The following SCHIP1 variants were observed in gnomAD, a reference collection of about 807,000 sequenced individuals.
SCHIP1 encodes schwannomin interacting protein 1.
In SCHIP1, 8 loss-of-function variants were observed where a neutral mutation model predicts 29.7. The ratio of observed to expected loss-of-function variants is 0.27; its 90% confidence interval spans 0.16 to 0.49. SCHIP1 has a LOEUF of 0.49. SCHIP1 is among the 20% of genes least tolerant of loss of function. SCHIP1 has a pLI of 0.99. For synonymous variants in SCHIP1, 76 were observed against 94.9 expected, an observed-to-expected ratio of 0.80 and a Z score of 1.16; for missense variants, 193 against 294.6, an observed-to-expected ratio of 0.66 and a Z score of 2.52.
the SCHIP1 span, among the ~76,000 whole-genome samples, chr3:159,582,263 C>G: frequency 6.6e-6 from 1 of 152,026 alleles, no homozygotes; most frequent in Admixed American, 6.6e-5. Flanking sequence ...CTCAGTCTTC[C>G]CGGCTCAAGA....
At chr3:159,527,029 G>T in the SCHIP1 span, among the ~76,000 whole-genome samples, 1 of 152,184 alleles carries the variant, frequency 6.6e-6, no homozygotes, top group Non-Finnish European at 1.5e-5. Flanking sequence ...CATACACACA[G>T]TCATATCTTC....
chr3:159,731,356 T>C, the SCHIP1 span, among the ~76,000 whole-genome samples: 1 of 152,228 alleles, frequency 6.6e-6, no homozygotes, highest in African/African-American at 2.4e-5. Flanking sequence ...TTGCTCTTGC[T>C]AAAGCACATC....
chr3:159,684,977 C>G, the SCHIP1 span, among the ~76,000 whole-genome samples: 3 of 152,166 alleles, frequency 2.0e-5, no homozygotes, highest in Non-Finnish European at 4.4e-5. Context: ...CTGCCAGCCT[C>G]CAGATTGTCT....
chr3:159,626,207 G>GATAT, the SCHIP1 span, among the ~76,000 whole-genome samples: 1 of 114,362 alleles, frequency 8.7e-6, no homozygotes, highest in South Asian at 2.5e-4. Context: ...TAGATAGATA[G>GATAT]ATATATCTAG....
At chr3:159,729,564 A>G in the SCHIP1 span, among the ~76,000 whole-genome samples, 1 of 152,266 alleles carries the variant, frequency 6.6e-6, no homozygotes, top group South Asian at 2.1e-4. Flanking sequence ...GTTAGAAAAC[A>G]TAATGAAAAA....
At chr3:159,723,698 C>T in the SCHIP1 span, among the ~76,000 whole-genome samples, 1 of 152,200 alleles carries the variant, frequency 6.6e-6, no homozygotes, top group African/African-American at 2.4e-5. Flanking sequence ...CATAAGACAC[C>T]TCTTCTCCCA....
At chr3:159,346,314 A>G in the SCHIP1 span, among the ~76,000 whole-genome samples, 18 of 149,238 alleles carry the variant, frequency 1.2e-4, no homozygotes, top group East Asian at 3.9e-4. Context: ...ACAACATTCA[A>G]TGAAAGATTT....
At chr3:159,624,463 C>T in the SCHIP1 span, among the ~76,000 whole-genome samples, 1 of 152,074 alleles carries the variant, frequency 6.6e-6, no homozygotes. Flanking sequence ...GATCTGTGTC[C>T]AGGACAGACA....
chr3:159,569,095 C>A, the SCHIP1 span, among the ~76,000 whole-genome samples: 1 of 152,052 alleles, frequency 6.6e-6, no homozygotes, highest in South Asian at 2.1e-4. Flanking sequence ...TCCTTTCAAC[C>A]TTCCTGAGTC....
chr3:159,388,399 A>G, the SCHIP1 span, among the ~76,000 whole-genome samples: 6 of 152,116 alleles, frequency 3.9e-5, no homozygotes, highest in Non-Finnish European at 7.4e-5. Context: ...AGGGACCACA[A>G]AATTTTTCTG....
At chr3:159,520,066 T>TA in the SCHIP1 span, among the ~76,000 whole-genome samples, 1 of 119,610 alleles carries the variant, frequency 8.4e-6, no homozygotes, top group Non-Finnish European at 1.7e-5. Context: ...AGCATATAAA[T>TA]ACCAGGAAGA....
the SCHIP1 span, among the ~76,000 whole-genome samples, chr3:159,802,041 A>C: frequency 6.6e-6 from 1 of 152,180 alleles, no homozygotes; most frequent in African/African-American, 2.4e-5. Flanking sequence ...TTAGAGACTA[A>C]ACCTTATTAA....
chr3:159,869,031 T>A (rs1714951651), intron 2 of SCHIP1, among the ~76,000 whole-genome samples: 2 of 152,052 alleles, frequency 1.3e-5, no homozygotes. Flanking sequence ...ATATTAGCCG[T>A]ATTTGTTTTC....
At chr3:159,342,018 T>C in the SCHIP1 span, among the ~76,000 whole-genome samples, 1 of 152,234 alleles carries the variant, frequency 6.6e-6, no homozygotes, top group South Asian at 2.1e-4. Flanking sequence ...CATTATTCTA[T>C]TGGGAGTACA....
At chr3:159,869,488 T>G (rs1397150963) in intron 2 of SCHIP1, among the ~76,000 whole-genome samples, 1 of 151,872 alleles carries the variant, frequency 6.6e-6, no homozygotes, top group Non-Finnish European at 1.5e-5. Context: ...TATTGGACAA[T>G]CCCTCTTTTA....
chr3:159,788,057 T>G, the SCHIP1 span, among the ~76,000 whole-genome samples: 2 of 152,218 alleles, frequency 1.3e-5, no homozygotes, highest in Non-Finnish European at 2.9e-5. Context: ...AGATGACTTT[T>G]GACCCGTCTT....
chr3:159,480,550 TTTTTC>T, the SCHIP1 span, among the ~76,000 whole-genome samples: 1 of 152,124 alleles, frequency 6.6e-6, no homozygotes, highest in African/African-American at 2.4e-5. Flanking sequence ...ATTTTGTGGG[TTTTTC>T]TTTTCTTATT....
At chr3:159,489,534 A>AT in the SCHIP1 span, among the ~76,000 whole-genome samples, 1 of 152,202 alleles carries the variant, frequency 6.6e-6, no homozygotes, top group African/African-American at 2.4e-5. Flanking sequence ...AATATATGTC[A>AT]ATATTTTAAG....
At chr3:159,742,965 G>A in the SCHIP1 span, among the ~76,000 whole-genome samples, 126 of 151,920 alleles carry the variant, frequency 8.3e-4, no homozygotes, top group African/African-American at 2.9e-3. Flanking sequence ...GGGATTACGG[G>A]TATGAGCCAC....
Sources: allele counts gnomAD v4.1 joint callset (sites outside exome capture counted in the v4.1 genomes callset), GRCh38; gene constraint gnomAD v4.1.1; transcripts MANE v1.5; gene names NCBI Gene and HGNC (gene_info 2026-07-23, HGNC 2026-07-21).